The following FAAH2 variants were observed in gnomAD, a reference collection of about 807,000 sequenced individuals.
FAAH2 encodes fatty-acid amide hydrolase 2.
A neutral mutation model predicts 36.9 loss-of-function variants in FAAH2; 60 were observed. The ratio of observed to expected loss-of-function variants is 1.63; its 90% CI spans 1.32 to 2.02. The LOEUF (loss-of-function observed/expected upper bound fraction) is 2.02, where lower values mean the gene tolerates loss of function less well. Ranked by LOEUF, FAAH2 falls within the 30% of genes most tolerant of loss-of-function variation. The pLI is 0.00. For synonymous variants in FAAH2, 214 were observed against 143.8 expected (o/e 1.49, Z -3.49); for missense variants, 689 against 397.5 (o/e 1.73, Z -6.23).
intron 5 of FAAH2, among the ~76,000 whole-genome samples, chrX:57,353,487 T>TAAAAAAAAA (rs3035714): frequency 2.1e-4 from 18 of 83,815 alleles, no homozygotes; most frequent in East Asian, 3.6e-4. Context: ...CCCAAATTAT[T>TAAAAAAAAA]AAAAAAAAAA....
intron 10 of FAAH2, among the ~76,000 whole-genome samples, chrX:57,479,204 G>A (rs925583621): frequency 1.7e-3 from 191 of 110,957 alleles, no homozygotes; most frequent in African/African-American, 5.8e-3. Flanking sequence ...GGTCCTTCAC[G>A]TCCCTTGTAA....
At chrX:57,179,585 T>A in the FAAH2 span, among the ~76,000 whole-genome samples, 1 of 111,867 alleles carries the variant, frequency 8.9e-6, no homozygotes, top group African/African-American at 3.3e-5. Flanking sequence ...TAAACACATA[T>A]GCACCCAATA....
intron 7 of FAAH2, among the ~76,000 whole-genome samples, chrX:57,413,560 T>A (rs778300084): frequency 1.0e-3 from 116 of 111,788 alleles, no homozygotes; most frequent in Non-Finnish European, 1.8e-3. Context: ...AGACCTCTGT[T>A]CTGTTCCATT....
intron 7 of FAAH2, among the ~76,000 whole-genome samples, chrX:57,407,104 G>A (rs1334210135): frequency 8.9e-6 from 1 of 112,001 alleles, no homozygotes; most frequent in Non-Finnish European, 1.9e-5. Flanking sequence ...CCATAATGGT[G>A]GCTCATGCCA....
the FAAH2 span, among the ~76,000 whole-genome samples, chrX:57,190,533 G>T: frequency 1.8e-5 from 2 of 110,333 alleles, no homozygotes; most frequent in East Asian, 2.9e-4. Flanking sequence ...GGGCCCTGGT[G>T]GTGTAGGCAC....
chrX:57,218,097 G>A, the FAAH2 span, among the ~76,000 whole-genome samples: 12 of 111,954 alleles, frequency 1.1e-4, no homozygotes, highest in Non-Finnish European at 2.1e-4. Flanking sequence ...GAGCTTTCTG[G>A]AGGAGTCCTT....
chrX:57,295,970 G>A (rs2052138257), intron 2 of FAAH2, among the ~76,000 whole-genome samples: 2 of 112,409 alleles, frequency 1.8e-5, no homozygotes, highest in South Asian at 7.3e-4. Context: ...CAAACTGGGT[G>A]GAGCCCACCA....
At chrX:57,420,037 G>A (rs1469942918) in intron 7 of FAAH2, among the ~76,000 whole-genome samples, 2 of 111,386 alleles carry the variant, frequency 1.8e-5, no homozygotes, top group East Asian at 5.6e-4. Context: ...GTAGATATGT[G>A]GCATTCTTTC....
chrX:57,400,950 G>A (rs770003335), intron 7 of FAAH2, among the ~76,000 whole-genome samples: 2 of 110,525 alleles, frequency 1.8e-5, no homozygotes, highest in Non-Finnish European at 1.9e-5. Context: ...GTGAAACCCC[G>A]TTTCTACCAA....
At chrX:57,146,105 T>C in the FAAH2 span, among the ~76,000 whole-genome samples, 1 of 110,108 alleles carries the variant, frequency 9.1e-6, no homozygotes, top group Non-Finnish European at 1.9e-5. Flanking sequence ...CTGTGAAGAA[T>C]GATGGTGTCA....
At chrX:57,366,134 T>G (rs1468374150) in intron 5 of FAAH2, among the ~76,000 whole-genome samples, 1 of 71,775 alleles carries the variant, frequency 1.4e-5, no homozygotes, top group African/African-American at 4.2e-5. Context: ...CTTGCACTAT[T>G]TCTTTCTTTC....
chrX:57,144,943 C>T, the FAAH2 span, among the ~76,000 whole-genome samples: 1 of 110,862 alleles, frequency 9.0e-6, no homozygotes, highest in African/African-American at 3.3e-5. Flanking sequence ...CACACACACA[C>T]ACCACAATTT....
At chrX:57,212,170 G>C in the FAAH2 span, among the ~76,000 whole-genome samples, 4,050 of 111,572 alleles carry the variant, frequency 0.036, 68 homozygotes, top group Non-Finnish European at 0.054. Flanking sequence ...GGAGTTTAAG[G>C]CTGCTGTAAG....
chrX:57,436,634 C>T (rs989043588), intron 8 of FAAH2, among the ~76,000 whole-genome samples: 1 of 110,939 alleles, frequency 9.0e-6, no homozygotes, highest in African/African-American at 3.3e-5. Flanking sequence ...TCTACTTCCA[C>T]AAACAAGAAA....
At chrX:57,479,156 T>C (rs1319913572) in intron 10 of FAAH2, among the ~76,000 whole-genome samples, 3 of 111,512 alleles carry the variant, frequency 2.7e-5, no homozygotes, top group African/African-American at 9.8e-5. Context: ...TATCCTCTTT[T>C]ATTTCATTGA....
the FAAH2 span, among the ~76,000 whole-genome samples, chrX:57,151,414 T>C: frequency 8.9e-6 from 1 of 112,047 alleles, no homozygotes. Context: ...GACATAGATT[T>C]GGTCTTTTCA....
rs141817215 is a variant in FAAH2, at chrX:57,436,030, C to T, written c.1116+3993C>T. ...ACATATCAAGAATCTTCTCAGACCACGCTTGAATAAAACTGAATATCACTA... is the reference window on the plus strand; with the variant it reads ...ACATATCAAGAATCTTCTCAGACCATGCTTGAATAAAACTGAATATCACTA... On this transcript the variant is annotated intron_variant, in intron 8 of 10. Transcript: ENST00000374900. Among the ~76,000 whole-genome samples, 61 of 110,983 alleles carry T rather than the reference C, an allele frequency of 5.5e-4. No homozygotes were observed. The East Asian group carries it at 0.012, about 21-fold the overall frequency.
At chrX:57,284,730 A>T (rs1410593233), upstream of FAAH2, among the ~76,000 whole-genome samples, 1 of 111,958 alleles carries the variant, frequency 8.9e-6, no homozygotes, top group Non-Finnish European at 1.9e-5. Flanking sequence ...AACTATTAAT[A>T]TAAAATTAAA....
chrX:57,336,149 G>A (rs2053545950), intron 4 of FAAH2, among the ~76,000 whole-genome samples: 1 of 111,111 alleles, frequency 9.0e-6, no homozygotes, highest in South Asian at 3.9e-4. Context: ...CACAAAAGAA[G>A]GGAAAATAGC....
Sources: gnomAD v4.1 joint callset for allele counts (sites outside exome capture counted in the v4.1 genomes callset) on GRCh38, gnomAD v4.1.1 for gene constraint, MANE v1.5 for transcripts, NCBI Gene and HGNC (gene_info 2026-07-23, HGNC 2026-07-21) for gene names.